TRAPPC8: variants seen among roughly 807,000 people sequenced by gnomAD.
TRAPPC8 encodes general sporulation gene 1 homolog.
A neutral mutation model predicts 174.3 loss-of-function variants in TRAPPC8; 54 were observed. The ratio of observed to expected loss-of-function variants is 0.31; its 90% CI spans 0.25 to 0.39. The LOEUF is 0.39. Ranked by LOEUF, TRAPPC8 falls within the 10% of genes least tolerant of loss-of-function variation. The probability of loss-of-function intolerance (pLI) is 1.00; values close to 1 mark genes in which losing one functional copy is unlikely to be tolerated. For synonymous variants in TRAPPC8, 630 were observed against 579.9 expected, an observed-to-expected ratio of 1.09 and a Z score of -1.24; for missense variants, 1,531 against 1,699.1, an observed-to-expected ratio of 0.90 and a Z score of 1.74.
chr18:31,932,396 T>C (rs2037885964), intron 1 of TRAPPC8, among the ~76,000 whole-genome samples: 1 of 150,404 alleles, frequency 6.6e-6, no homozygotes, highest in African/African-American at 2.4e-5. Context: ...TGCTGCACTC[T>C]AGCTTGGGTG....
intron 10 of TRAPPC8, 29 bp from the exon 11 acceptor site, chr18:31,897,920 T>C (rs762567329): frequency 2.5e-6 from 4 of 1,578,122 alleles, no homozygotes; most frequent in Non-Finnish European, 3.5e-6. Flanking sequence ...GAAGATAAAA[T>C]AGCACAATAA....
chr18:31,879,587 C>T (rs755974784), intron 12 of TRAPPC8, among the ~76,000 whole-genome samples: 22 of 151,972 alleles, frequency 1.4e-4, no homozygotes, highest in Non-Finnish European at 2.9e-4. Flanking sequence ...CAAGCCCAAG[C>T]TGGCAAAAGA....
intron 1 of TRAPPC8, among the ~76,000 whole-genome samples, chr18:31,941,835 A>C (rs1464158511): frequency 6.6e-6 from 1 of 152,232 alleles, no homozygotes; most frequent in Non-Finnish European, 1.5e-5. Context: ...ACATGCTTGA[A>C]GCTTTACCAC....
intron 5 of TRAPPC8, among the ~76,000 whole-genome samples, chr18:31,912,352 G>A (rs749235112): frequency 1.8e-4 from 28 of 152,100 alleles, no homozygotes; most frequent in Non-Finnish European, 3.1e-4. Context: ...TTAGCTGGGC[G>A]TGGTGGTGTG....
chr18:31,851,585 G>A (rs2033705977), intron 24 of TRAPPC8, among the ~76,000 whole-genome samples: 1 of 151,206 alleles, frequency 6.6e-6, no homozygotes, highest in Admixed American at 6.6e-5. Context: ...TTGAACTCCT[G>A]GCCTCAAGCA....
intron 2 of TRAPPC8, among the ~76,000 whole-genome samples, chr18:31,921,271 G>A (rs1292823659): frequency 6.6e-6 from 1 of 152,130 alleles, no homozygotes; most frequent in Admixed American, 6.6e-5. Context: ...AGAGAGAAGA[G>A]AAAGAAGGGA....
At chr18:31,913,285 T>A (rs572944843) in intron 5 of TRAPPC8, 84 bp downstream of exon 5, 1 of 1,394,802 alleles carries the variant, frequency 7.2e-7, no homozygotes, top group East Asian at 2.4e-5. Flanking sequence ...ACACAATTAA[T>A]ATGAATAATT....
chr18:31,903,117 C>CGT (rs1489649140), intron 9 of TRAPPC8, among the ~76,000 whole-genome samples: 1 of 90,230 alleles, frequency 1.1e-5, no homozygotes, highest in Non-Finnish European at 2.4e-5. Flanking sequence ...CGCGTGCGTG[C>CGT]GTGCGTGTGT....
At chr18:31,921,598 G>A (rs1281560833) in intron 2 of TRAPPC8, among the ~76,000 whole-genome samples, 1 of 145,264 alleles carries the variant, frequency 6.9e-6, no homozygotes, top group African/African-American at 2.6e-5. Context: ...CAGCCTGGAT[G>A]ACAGAGCGAG....
At chr18:31,885,188 T>A (rs2035648770) in intron 12 of TRAPPC8, among the ~76,000 whole-genome samples, 1 of 152,182 alleles carries the variant, frequency 6.6e-6, no homozygotes, top group Non-Finnish European at 1.5e-5. Context: ...AGAAATACTT[T>A]ATTGATTAAG....
chr18:31,938,280 TCAAA>T (rs955919774), intron 1 of TRAPPC8, among the ~76,000 whole-genome samples: 1 of 151,946 alleles, frequency 6.6e-6, no homozygotes, highest in Admixed American at 6.6e-5. Flanking sequence ...AAAATTTGTG[TCAAA>T]CAATGACTAC....
At chr18:31,918,641 T>C (rs1377860898) in intron 2 of TRAPPC8, among the ~76,000 whole-genome samples, 2 of 152,252 alleles carry the variant, frequency 1.3e-5, no homozygotes, top group Non-Finnish European at 2.9e-5. Context: ...AATCTTACTT[T>C]GTAATTTGAT....
chr18:31,916,621 C>G (rs1396337457), intron 3 of TRAPPC8, among the ~76,000 whole-genome samples, 175 bp from the exon 4 acceptor site: 1 of 152,170 alleles, frequency 6.6e-6, no homozygotes, highest in East Asian at 1.9e-4. Flanking sequence ...CAACCTCCGC[C>G]TCCCAGGTTC....
intron 2 of TRAPPC8, among the ~76,000 whole-genome samples, chr18:31,929,151 C>T (rs1311622112): frequency 2.0e-5 from 3 of 150,680 alleles, no homozygotes; most frequent in Non-Finnish European, 2.9e-5. Context: ...CACCACACTC[C>T]AGCCTGGGTG....
intron 9 of TRAPPC8, among the ~76,000 whole-genome samples, chr18:31,901,809 G>A (rs2036438785): frequency 6.6e-6 from 1 of 152,160 alleles, no homozygotes; most frequent in Non-Finnish European, 1.5e-5. Flanking sequence ...CCTCCTTTGG[G>A]CGTCTACGTG....
intron 20 of TRAPPC8, among the ~76,000 whole-genome samples, chr18:31,856,262 C>A (rs2034004859): frequency 1.3e-5 from 2 of 152,044 alleles, no homozygotes; most frequent in Non-Finnish European, 2.9e-5. Context: ...TGTACCACCA[C>A]ACCCTATAAT....
intron 19 of TRAPPC8, among the ~76,000 whole-genome samples, chr18:31,862,009 T>A (rs1396068623): frequency 2.0e-5 from 3 of 150,074 alleles, no homozygotes; most frequent in African/African-American, 7.4e-5. Flanking sequence ...AAAAACAGTA[T>A]ATTTTGGTGT....
At chr18:31,849,888 T>C (rs1297034784) in intron 24 of TRAPPC8, 149 bp from the exon 25 acceptor site, 2 of 665,740 alleles carry the variant, frequency 3.0e-6, no homozygotes, top group East Asian at 3.1e-5. Context: ...TCAATAATTC[T>C]TGTCAATGTA....
At chr18:31,839,002 T>C (rs953056237) in intron 27 of TRAPPC8, among the ~76,000 whole-genome samples, 1 of 152,198 alleles carries the variant, frequency 6.6e-6, no homozygotes, top group African/African-American at 2.4e-5. Flanking sequence ...CCATCTTTTA[T>C]TTGCAAAACT....
Sources: allele counts gnomAD v4.1 joint callset (sites outside exome capture counted in the v4.1 genomes callset), GRCh38; gene constraint gnomAD v4.1.1; transcripts MANE v1.5; gene names NCBI Gene and HGNC (gene_info 2026-07-23, HGNC 2026-07-21).